ITK: variants seen among roughly 807,000 people sequenced by gnomAD.
ITK encodes tyrosine-protein kinase ITK/TSK.
A neutral mutation model predicts 87.6 loss-of-function variants in ITK; 45 were observed. That is an observed-to-expected ratio of 0.51 (90% CI 0.40 to 0.66). ITK has a LOEUF of 0.66. Among genes scored for constraint, ITK ranks in the 30% least tolerant of loss-of-function variants. ITK has a pLI of 0.00. For synonymous variants in ITK, 303 were observed against 273.6 expected, an observed-to-expected ratio of 1.11 and a Z score of -1.06; for missense variants, 605 against 766.3, an observed-to-expected ratio of 0.79 and a Z score of 2.48.
At chr5:157,219,942 T>C (rs1754380487) in intron 5 of ITK, among the ~76,000 whole-genome samples, 1 of 152,228 alleles carries the variant, frequency 6.6e-6, no homozygotes, top group Non-Finnish European at 1.5e-5. Context: ...TCGTGGATAC[T>C]GTTTTGAGTG....
rs1463419892 is a variant in ITK at position 157,214,304 on chromosome 5, G to C, written c.439G>C (p.Asp147His). The C allele has an allele frequency of 1.5e-5, 25 of 1,613,496 alleles. No individual in the cohort carries two copies. The highest frequency in any genetic ancestry group is 2.1e-5 in the Non-Finnish European group (25 of 1,179,396). Residue 147 changes from aspartate (D) to histidine (H), a missense_variant, in exon 4 of 17, where the codon GAT becomes CAT. Transcript: ENST00000422843. ...GCTTGCAACAGGCTGTGCCCAATAT[G>C]ATCCAACCAAGAATGGTAAGAGACT... Reference protein sequence around the residue: ...EKLATGCAQYDPTKNASKKPL... With the variant: ...EKLATGCAQYHPTKNASKKPL...
chr5:157,188,482 C>A (rs1301440808), intron 1 of ITK, among the ~76,000 whole-genome samples: 1 of 152,196 alleles, frequency 6.6e-6, no homozygotes, highest in Non-Finnish European at 1.5e-5. Flanking sequence ...AAGGTCTCAG[C>A]AGGGCCTTTG....
Position 157,191,178 on chromosome 5 carries a change from C to CA in ITK, c.138+10064dup, listed in dbSNP as rs571315558. 3.3e-5 allele frequency among the ~76,000 whole-genome samples: 5 copies of CA among 152,086 alleles called. 1 individual carries two copies. The highest frequency in any genetic ancestry group is 3.3e-4 in the Admixed American group (5 of 15,264). ...TTTTTGAGACGGAGTCTCACTCTGTCACCCAGGCTGGAGTGCAGTGGCACA... is the reference window on the plus strand; with the variant it reads ...TTTTTGAGACGGAGTCTCACTCTGTCAACCCAGGCTGGAGTGCAGTGGCACA... On this transcript the variant is annotated intron_variant, in intron 1 of 16. Transcript: ENST00000422843.
intron 3 of ITK, 67 bp downstream of exon 3, chr5:157,211,435 A>G (rs950689621): frequency 5.4e-6 from 7 of 1,301,148 alleles, no homozygotes; most frequent in African/African-American, 2.9e-5. Context: ...GGGTTCCACA[A>G]TAGAATAGAG....
intron 2 of ITK, among the ~76,000 whole-genome samples, chr5:157,210,176 G>A (rs916898473): frequency 1.6e-4 from 24 of 151,990 alleles, no homozygotes; most frequent in Admixed American, 1.0e-3. Context: ...GACCCGCCTC[G>A]GCCTCCCAAA....
chr5:157,249,505 C>G (rs1344777451), intron 16 of ITK, among the ~76,000 whole-genome samples: 3 of 152,226 alleles, frequency 2.0e-5, no homozygotes, highest in African/African-American at 7.2e-5. Context: ...GGATTGCAGG[C>G]CATGGCTTGA....
intron 6 of ITK, among the ~76,000 whole-genome samples, chr5:157,227,298 A>G (rs755660611): frequency 3.3e-5 from 5 of 152,242 alleles, no homozygotes; most frequent in Non-Finnish European, 7.3e-5. Context: ...AAGTGCTTTG[A>G]AAACTACAAA....
At chr5:157,188,840 T>C (rs910441039) in intron 1 of ITK, among the ~76,000 whole-genome samples, 2 of 152,188 alleles carry the variant, frequency 1.3e-5, no homozygotes, top group African/African-American at 4.8e-5. Context: ...CTGCATTTAT[T>C]TGTTAGGTTT....
intron 5 of ITK, among the ~76,000 whole-genome samples, chr5:157,221,032 T>A (rs1480142478): frequency 1.3e-5 from 2 of 152,136 alleles, no homozygotes; most frequent in Non-Finnish European, 2.9e-5. Flanking sequence ...CTAACTTTTG[T>A]ATTAAACATA....
intron 1 of ITK, among the ~76,000 whole-genome samples, chr5:157,196,689 G>C (rs1198575328): frequency 3.3e-5 from 5 of 152,140 alleles, no homozygotes; most frequent in Non-Finnish European, 2.9e-5. Context: ...TTTACTTGCT[G>C]TTCCTTCAAT....
chr5:157,213,111 T>C (rs1358016754), intron 3 of ITK, among the ~76,000 whole-genome samples: 1 of 152,182 alleles, frequency 6.6e-6, no homozygotes, highest in East Asian at 1.9e-4. Flanking sequence ...CAGTTCTGTA[T>C]GGCTGGGAGG....
At chr5:157,201,300 C>CTTTTTT (rs34626223) in intron 1 of ITK, among the ~76,000 whole-genome samples, 7 of 128,530 alleles carry the variant, frequency 5.4e-5, no homozygotes, top group Non-Finnish European at 7.9e-5. Context: ...TAAATTTCCA[C>CTTTTTT]TTTTTTTTTT....
intron 7 of ITK, among the ~76,000 whole-genome samples, chr5:157,229,344 G>A (rs554394037): frequency 9.9e-5 from 15 of 152,256 alleles, no homozygotes; most frequent in East Asian, 3.9e-4. Context: ...TAGCAGGCCC[G>A]TCTGAAACAG....
In ITK at chr5:157,213,583, T is replaced by A. The variant is rs28641525; in HGVS notation, c.326-608T>A. ...TTTTGGTAGAAAAGGGGTCTCGCTA[T>A]GTTGCCTAGGCTAATCTAGAACTCC... is the stretch of plus-strand genomic sequence containing the variant. On this transcript the variant is annotated intron_variant, in intron 3 of 16. Transcript: ENST00000422843. 4,389 of 454,688 alleles carry A rather than the reference T, an allele frequency of 9.7e-3. 208 individuals are homozygous for A. The highest frequency in any genetic ancestry group is 0.082 in the African/African-American group (4,080 of 49,998). The allele number at this position is 454,688 out of a possible 1,614,324, so 28.2% of individuals were successfully genotyped here. A position where few individuals can be genotyped will look rare whatever the true frequency, so the allele number is the denominator to read the frequency against.
At chr5:157,209,024 C>A in intron 2 of ITK, 31 bp downstream of exon 2, 1 of 1,395,072 alleles carries the variant, frequency 7.2e-7, no homozygotes. Flanking sequence ...GTTCCCCATT[C>A]CCTGGACTGT....
At chr5:157,212,225 C>A (rs957994419) in intron 3 of ITK, among the ~76,000 whole-genome samples, 4 of 152,140 alleles carry the variant, frequency 2.6e-5, no homozygotes, top group Non-Finnish European at 5.9e-5. Flanking sequence ...CCAAAGAAAG[C>A]CCTGGATCAA....
chr5:157,238,609 G>T (rs1013330965), intron 9 of ITK, among the ~76,000 whole-genome samples: 2 of 152,100 alleles, frequency 1.3e-5, no homozygotes, highest in Non-Finnish European at 2.9e-5. Flanking sequence ...CAGAAAATAT[G>T]CAGACCATTT....
chr5:157,213,316 G>T (rs1754230335), intron 3 of ITK, among the ~76,000 whole-genome samples: 1 of 152,188 alleles, frequency 6.6e-6, no homozygotes. Flanking sequence ...CCACCACCTG[G>T]TCTCTCCCTC....
At chr5:157,210,684 TCCCTCCC>T (rs1174872863) in intron 2 of ITK, among the ~76,000 whole-genome samples, 1 of 108,060 alleles carries the variant, frequency 9.3e-6, no homozygotes, top group African/African-American at 3.6e-5. Context: ...CCCAATGCTA[TCCCTCCC>T]CCCTCCCCCC....
Sources: gnomAD v4.1 joint callset for allele counts (sites outside exome capture counted in the v4.1 genomes callset) on GRCh38, gnomAD v4.1.1 for gene constraint, MANE v1.5 for transcripts, NCBI Gene and HGNC (gene_info 2026-07-23, HGNC 2026-07-21) for gene names.